Variants in ROR1 observed in about 807,000 individuals in gnomAD.
ROR1 encodes ROR family WNT receptor 1, also known as inactive tyrosine-protein kinase transmembrane receptor ROR1.
In ROR1, 19 loss-of-function variants were observed where a neutral mutation model predicts 78.8. That is an observed-to-expected ratio of 0.24 (90% confidence interval 0.17 to 0.35). The LOEUF (loss-of-function observed/expected upper bound fraction) is 0.35, where lower values mean the gene tolerates loss of function less well. Among genes scored for constraint, ROR1 ranks in the 10% least tolerant of loss-of-function variants. ROR1 has a pLI of 1.00. For missense variants in ROR1, 917 were observed against 1,177.8 expected, an observed-to-expected ratio of 0.78 and a Z score of 3.24; for synonymous variants, 386 against 433.6, an observed-to-expected ratio of 0.89 and a Z score of 1.36.
chr1:63,865,333 G>T (rs1019605008), intron 1 of ROR1, among the ~76,000 whole-genome samples: 2 of 152,092 alleles, frequency 1.3e-5, no homozygotes, highest in Non-Finnish European at 2.9e-5. Flanking sequence ...CATGCTTTTG[G>T]TCTAAATGAG....
At position 63,786,256 on chromosome 1, in the gene ROR1, ATTTTTTTTTTTT is replaced by A. The variant is rs34933492; in HGVS notation, c.91+11771_91+11782del. On this transcript the variant is annotated intron_variant, in intron 1 of 8. Transcript: ENST00000371079. Reference sequence around the variant, plus strand: ...CCCCCCTTACGCTGGCTACAACTTGATTTTTTTTTTTTTTTTTTTTTTTTTTTTTTTTTTGAG... The same window carrying A: ...CCCCCCTTACGCTGGCTACAACTTGATTTTTTTTTTTTTTTTTTTTTTGAG... 6.5e-3 allele frequency among the ~76,000 whole-genome samples: 436 copies of A among 67,496 alleles called. 1 individual carries two copies. Among genetic ancestry groups the A allele is most frequent in the African/African-American group, 0.017 (333 of 20,068 alleles). 44.3% of individuals were successfully genotyped at this position (67,496 alleles called of 152,430 possible).
intron 2 of ROR1, among the ~76,000 whole-genome samples, chr1:64,031,519 G>C (rs1293790532): frequency 1.3e-5 from 2 of 152,182 alleles, no homozygotes; most frequent in South Asian, 2.1e-4. Flanking sequence ...GGGTCATCTT[G>C]TTCTTTTTCC....
At chr1:64,126,007 T>C (rs964782354) in intron 4 of ROR1, among the ~76,000 whole-genome samples, 1 of 152,092 alleles carries the variant, frequency 6.6e-6, no homozygotes, top group African/African-American at 2.4e-5. Context: ...AAATAATAAT[T>C]ATACAGTGAA....
intron 1 of ROR1, among the ~76,000 whole-genome samples, chr1:63,824,612 A>G (rs569997203): frequency 2.0e-3 from 311 of 152,294 alleles, no homozygotes; most frequent in African/African-American, 7.2e-3. Flanking sequence ...ACAACCCCAC[A>G]ATGGATGATT....
At chr1:63,965,846 A>T (rs1443663329) in intron 1 of ROR1, among the ~76,000 whole-genome samples, 2 of 152,236 alleles carry the variant, frequency 1.3e-5, no homozygotes, top group African/African-American at 4.8e-5. Context: ...AATAAACGTC[A>T]TGGGAGGCAG....
chr1:63,845,092 A>T (rs1044803965), intron 1 of ROR1, among the ~76,000 whole-genome samples: 2 of 152,148 alleles, frequency 1.3e-5, no homozygotes, highest in Non-Finnish European at 2.9e-5. Context: ...AATGAGATGG[A>T]GACTCTTTGG....
At chr1:63,779,628 C>T (rs538625455) in intron 1 of ROR1, among the ~76,000 whole-genome samples, 1 of 152,256 alleles carries the variant, frequency 6.6e-6, no homozygotes, top group Non-Finnish European at 1.5e-5. Context: ...CTAACGAATA[C>T]AAAATAAAAA....
At chr1:63,902,549 T>A (rs1299651370) in intron 1 of ROR1, among the ~76,000 whole-genome samples, 1 of 152,084 alleles carries the variant, frequency 6.6e-6, no homozygotes. Context: ...GGTCTCGAAC[T>A]CCTGGCTCCA....
intron 2 of ROR1, among the ~76,000 whole-genome samples, chr1:64,020,460 A>G (rs573649236): frequency 6.6e-6 from 1 of 152,350 alleles, no homozygotes; most frequent in African/African-American, 2.4e-5. Flanking sequence ...ATACTCTACA[A>G]TTTAGTGGAA....
At chr1:63,826,616 G>A (rs1464601078) in intron 1 of ROR1, among the ~76,000 whole-genome samples, 1 of 151,954 alleles carries the variant, frequency 6.6e-6, no homozygotes, top group Non-Finnish European at 1.5e-5. Flanking sequence ...CCCAGTAGTG[G>A]GATTGCTGGA....
chr1:63,986,775 T>C (rs1646256258), intron 1 of ROR1, among the ~76,000 whole-genome samples: 1 of 151,762 alleles, frequency 6.6e-6, no homozygotes, highest in Non-Finnish European at 1.5e-5. Flanking sequence ...TGTGTACCTG[T>C]GGTCCCAATT....
intron 1 of ROR1, among the ~76,000 whole-genome samples, chr1:64,008,324 A>G (rs1324091020): frequency 6.6e-6 from 1 of 152,214 alleles, no homozygotes. Context: ...ATAGTATTCC[A>G]TGGTATATAT....
At chr1:63,902,300 A>G (rs1302563192) in intron 1 of ROR1, among the ~76,000 whole-genome samples, 1 of 152,068 alleles carries the variant, frequency 6.6e-6, no homozygotes, top group African/African-American at 2.4e-5. Flanking sequence ...TAGTGTGGTC[A>G]GACCCTAGTA....
At chr1:63,816,596 G>A (rs1318716851) in intron 1 of ROR1, among the ~76,000 whole-genome samples, 1 of 152,126 alleles carries the variant, frequency 6.6e-6, no homozygotes, top group Non-Finnish European at 1.5e-5. Flanking sequence ...GCATGAAAAT[G>A]GACTAATAGA....
intron 1 of ROR1, among the ~76,000 whole-genome samples, chr1:63,967,065 G>A (rs1427837358): frequency 6.6e-6 from 1 of 152,114 alleles, no homozygotes; most frequent in Non-Finnish European, 1.5e-5. Context: ...GTTCTTAAGG[G>A]GACTTGATAT....
intron 1 of ROR1, among the ~76,000 whole-genome samples, chr1:63,813,644 G>T (rs748803721): frequency 1.3e-5 from 2 of 152,218 alleles, no homozygotes; most frequent in Non-Finnish European, 2.9e-5. Flanking sequence ...GGCCCCTAAA[G>T]CTTTGCAGCT....
chr1:63,989,269 T>C (rs1646276317), intron 1 of ROR1, among the ~76,000 whole-genome samples: 1 of 151,892 alleles, frequency 6.6e-6, no homozygotes. Context: ...GAACAAATTA[T>C]TTATTCTCTC....
At chr1:63,920,594 G>T (rs989929988) in intron 1 of ROR1, among the ~76,000 whole-genome samples, 1 of 152,150 alleles carries the variant, frequency 6.6e-6, no homozygotes, top group Non-Finnish European at 1.5e-5. Flanking sequence ...AAAGCAAGAC[G>T]AGAGGCAGAT....
intron 1 of ROR1, among the ~76,000 whole-genome samples, chr1:63,966,817 G>A (rs2100492193): frequency 6.6e-6 from 1 of 152,230 alleles, no homozygotes; most frequent in Non-Finnish European, 1.5e-5. Context: ...CTTCTTTACT[G>A]GAAAATGACC....
Sources: allele counts gnomAD v4.1 joint callset (sites outside exome capture counted in the v4.1 genomes callset), GRCh38; gene constraint gnomAD v4.1.1; transcripts MANE v1.5; gene names NCBI Gene and HGNC (gene_info 2026-07-23, HGNC 2026-07-21).